Variants in YAF2 observed in about 807,000 individuals in gnomAD.
YAF2 encodes the protein YY1-associated factor 2.
YAF2 carries 7 observed loss-of-function variants against 20.1 expected under a neutral mutation model. That is an observed-to-expected ratio of 0.35 (90% CI 0.20 to 0.65). The LOEUF (loss-of-function observed/expected upper bound fraction) is 0.65, where lower values mean the gene tolerates loss of function less well. Ranked by LOEUF, YAF2 falls within the 30% of genes least tolerant of loss-of-function variation. The pLI, the probability that YAF2 is intolerant of heterozygous loss-of-function variation, is 0.69. For synonymous variants in YAF2, 74 were observed against 76.0 expected, an observed-to-expected ratio of 0.97 and a Z score of 0.14; for missense variants, 151 against 219.2, an observed-to-expected ratio of 0.69 and a Z score of 1.96.
intron 2 of YAF2, 49 bp downstream of exon 2, chr12:42,237,549 TG>T: frequency 6.8e-7 from 1 of 1,472,966 alleles, no homozygotes; most frequent in South Asian, 1.3e-5. Flanking sequence ...GGGCGTCCTC[TG>T]GTCGCCACCC....
chr12:42,210,121 A>G (rs1198430557), intron 2 of YAF2, among the ~76,000 whole-genome samples: 1 of 152,214 alleles, frequency 6.6e-6, no homozygotes, highest in East Asian at 1.9e-4. Flanking sequence ...ATTTTTTAGA[A>G]GCAGCTATTA....
intron 2 of YAF2, among the ~76,000 whole-genome samples, chr12:42,194,610 C>CAATA (rs1249980667): frequency 2.0e-5 from 3 of 152,042 alleles, no homozygotes; most frequent in East Asian, 1.9e-4. Flanking sequence ...TGCCACTGCA[C>CAATA]AATAAATAAA....
intron 2 of YAF2, among the ~76,000 whole-genome samples, chr12:42,236,324 T>C (rs899054698): frequency 1.3e-5 from 2 of 152,306 alleles, no homozygotes; most frequent in African/African-American, 2.4e-5. Context: ...TTTTAGCAAA[T>C]ACTTTTTTTC....
At position 42,173,217 on chromosome 12, in the gene YAF2, G is replaced by T. The variant is rs537216954; in HGVS notation, c.153-11452C>A. On this transcript the variant is annotated intron_variant, in intron 2 of 3. Transcript: ENST00000534854. ...AGAGATCTTTCTTTCTCAGCCTCTT[G>T]AGCAGCTAAGACTATAGTCACAAAC... Among the ~76,000 whole-genome samples the T allele has an allele frequency of 3.9e-5, 6 of 152,236 alleles. No individual in the cohort carries two copies. In the South Asian group the frequency reaches 1.0e-3, roughly 26 times the overall value.
intron 2 of YAF2, among the ~76,000 whole-genome samples, chr12:42,201,756 G>C (rs986790249): frequency 6.6e-6 from 1 of 152,112 alleles, no homozygotes; most frequent in African/African-American, 2.4e-5. Flanking sequence ...ATTTTTTGTA[G>C]AGACAGGGTT....
At chr12:42,167,607 CTAAT>C (rs1487447441) in intron 2 of YAF2, among the ~76,000 whole-genome samples, 2 of 152,176 alleles carry the variant, frequency 1.3e-5, no homozygotes, top group Non-Finnish European at 2.9e-5. Flanking sequence ...TATCCTGTAA[CTAAT>C]TATTTAAATA....
intron 2 of YAF2, among the ~76,000 whole-genome samples, chr12:42,207,527 T>C (rs549837558): frequency 6.6e-6 from 1 of 152,228 alleles, no homozygotes; most frequent in South Asian, 2.1e-4. Context: ...AAGGGAAAAA[T>C]TGTTTTTAAG....
At chr12:42,169,161 A>G (rs2065982747) in intron 2 of YAF2, among the ~76,000 whole-genome samples, 1 of 152,226 alleles carries the variant, frequency 6.6e-6, no homozygotes, top group African/African-American at 2.4e-5. Flanking sequence ...TACTAAGGTC[A>G]CCAAGTATGC....
intron 2 of YAF2, among the ~76,000 whole-genome samples, chr12:42,227,554 G>A (rs1273347559): frequency 4.0e-5 from 6 of 149,150 alleles, no homozygotes; most frequent in Non-Finnish European, 5.9e-5. Flanking sequence ...GGTGAGGAGC[G>A]TCTCTGCCCG....
At chr12:42,225,219 T>G (rs996458888) in intron 2 of YAF2, among the ~76,000 whole-genome samples, 1 of 152,222 alleles carries the variant, frequency 6.6e-6, no homozygotes, top group African/African-American at 2.4e-5. Context: ...GGGGTTGTTT[T>G]TTTTCTTGTA....
intron 2 of YAF2, among the ~76,000 whole-genome samples, chr12:42,203,295 G>A (rs2066948945): frequency 6.6e-6 from 1 of 152,118 alleles, no homozygotes; most frequent in Non-Finnish European, 1.5e-5. Context: ...GCTATTGCTA[G>A]TTTGAATGCT....
At chr12:42,222,048 G>A (rs913376590) in intron 2 of YAF2, among the ~76,000 whole-genome samples, 1 of 152,116 alleles carries the variant, frequency 6.6e-6, no homozygotes, top group Non-Finnish European at 1.5e-5. Flanking sequence ...GTAGAATGAA[G>A]TACATACAGA....
At chr12:42,169,578 T>TA (rs537047771) in intron 2 of YAF2, among the ~76,000 whole-genome samples, 119 of 152,080 alleles carry the variant, frequency 7.8e-4, no homozygotes, top group African/African-American at 2.8e-3. Context: ...CACACCGGGC[T>TA]AATTTTTGTA....
At chr12:42,217,761 T>C (rs1442031581) in intron 2 of YAF2, among the ~76,000 whole-genome samples, 4 of 152,126 alleles carry the variant, frequency 2.6e-5, no homozygotes, top group South Asian at 2.1e-4. Context: ...ATATAAAATA[T>C]CTTCAATACA....
At chr12:42,190,568 T>G (rs1423100631) in intron 2 of YAF2, among the ~76,000 whole-genome samples, 2 of 152,204 alleles carry the variant, frequency 1.3e-5, no homozygotes, top group Non-Finnish European at 2.9e-5. Context: ...TTCCTTAGGT[T>G]TATTTTGTTA....
At position 42,159,917 on chromosome 12, in the gene YAF2, G is replaced by T. The variant is rs1012650197; in HGVS notation, c.*672C>A. 6.6e-6 allele frequency: 1 copy of T among 152,148 alleles called. No individual in the cohort carries two copies. Among genetic ancestry groups the T allele is most frequent in the Non-Finnish European group, 1.5e-5 (1 of 67,946 alleles). 9.4% of individuals were successfully genotyped at this position (152,148 alleles called of 1,614,324 possible). On this transcript the variant is annotated 3_prime_UTR_variant, in exon 4 of 4. Transcript: ENST00000534854. The stretch of plus-strand genomic sequence containing the variant: ...TCAATGTTTTATTGTTTACTAGTCC[G>T]CTAGTAAACATTACAATAAATGAAT...
intron 2 of YAF2, among the ~76,000 whole-genome samples, chr12:42,205,058 A>T (rs1379950995): frequency 1.3e-5 from 2 of 151,646 alleles, no homozygotes; most frequent in African/African-American, 4.8e-5. Flanking sequence ...TTGTTATTAA[A>T]AAAAAAAAAA....
At chr12:42,196,183 C>T (rs61940207) in intron 2 of YAF2, among the ~76,000 whole-genome samples, 1,750 of 143,084 alleles carry the variant, frequency 0.012, 21 homozygotes, top group Non-Finnish European at 0.02. Flanking sequence ...GCCGAGATCA[C>T]GCCACTGCAC....
intron 2 of YAF2, among the ~76,000 whole-genome samples, chr12:42,163,264 A>C (rs2065839045): frequency 6.6e-6 from 1 of 152,206 alleles, no homozygotes; most frequent in African/African-American, 2.4e-5. Flanking sequence ...GTGAAAAAAA[A>C]CCAAGCTGGA....
Sources: gnomAD v4.1 joint callset for allele counts (sites outside exome capture counted in the v4.1 genomes callset) on GRCh38, gnomAD v4.1.1 for gene constraint, MANE v1.5 for transcripts, NCBI Gene and HGNC (gene_info 2026-07-23, HGNC 2026-07-21) for gene names.